The following CCSER1 variants were observed in gnomAD, a reference collection of about 807,000 sequenced individuals.
The protein encoded by CCSER1 is serine-rich coiled-coil domain-containing protein 1.
CCSER1 carries 41 observed loss-of-function variants against 82.0 expected under a neutral mutation model. The observed-to-expected ratio is 0.50, with a 90% confidence interval of 0.39 to 0.65. The LOEUF (loss-of-function observed/expected upper bound fraction) is 0.65, where lower values mean the gene tolerates loss of function less well. Among genes scored for constraint, CCSER1 ranks in the 30% least tolerant of loss-of-function variants. The pLI is 0.00. For missense variants in CCSER1, 1,119 were observed against 1,064.2 expected, an observed-to-expected ratio of 1.05 and a Z score of -0.72; for synonymous variants, 414 against 383.9, an observed-to-expected ratio of 1.08 and a Z score of -0.92.
intron 10 of CCSER1, among the ~76,000 whole-genome samples, chr4:91,305,027 A>G (rs1458073050): frequency 2.0e-5 from 3 of 152,010 alleles, no homozygotes; most frequent in Non-Finnish European, 1.5e-5. Flanking sequence ...TTAATGCTAT[A>G]TAAAACATCT....
chr4:91,475,196 T>G (rs1026019814), intron 10 of CCSER1, among the ~76,000 whole-genome samples: 6 of 151,830 alleles, frequency 4.0e-5, no homozygotes, highest in African/African-American at 1.2e-4. Context: ...TGTGTGTGTG[T>G]TTAATGTGGA....
At chr4:90,565,075 G>A (rs2153650140) in intron 5 of CCSER1, among the ~76,000 whole-genome samples, 1 of 150,504 alleles carries the variant, frequency 6.6e-6, no homozygotes, top group Non-Finnish European at 1.5e-5. Context: ...TTGGTATATT[G>A]ATAGGTATTG....
At chr4:90,542,684 T>C (rs1475765379) in intron 5 of CCSER1, among the ~76,000 whole-genome samples, 1 of 152,144 alleles carries the variant, frequency 6.6e-6, no homozygotes, top group African/African-American at 2.4e-5. Context: ...TTTACAATAT[T>C]TACTGCAAAA....
intron 10 of CCSER1, among the ~76,000 whole-genome samples, chr4:91,512,855 C>A (rs1759900044): frequency 6.6e-6 from 1 of 152,028 alleles, no homozygotes; most frequent in Non-Finnish European, 1.5e-5. Flanking sequence ...ATTCCAGGAG[C>A]CTTTTGGTGG....
At chr4:90,979,406 A>G (rs931638998) in intron 9 of CCSER1, among the ~76,000 whole-genome samples, 10 of 151,726 alleles carry the variant, frequency 6.6e-5, no homozygotes, top group African/African-American at 9.7e-5. Flanking sequence ...AAAATATTTT[A>G]TATTTTAAAT....
At position 90,160,938 on chromosome 4, in the gene CCSER1, T is replaced by C. The variant is rs554743828; in HGVS notation, c.-42+33107T>C. Among the ~76,000 whole-genome samples, 3 of 152,296 alleles carry C rather than the reference T, an allele frequency of 2.0e-5. No individual in the cohort carries two copies. The South Asian group carries it at 6.2e-4, about 32-fold the overall frequency. On this transcript the variant is annotated intron_variant, in intron 1 of 10. Transcript: ENST00000509176. ...GATTTTGTGTGATATTTTTGCCAAA[T>C]ACCACACATATCCTAAGAATCAATT...
At chr4:91,536,398 A>G (rs1298371788) in intron 10 of CCSER1, among the ~76,000 whole-genome samples, 1 of 152,094 alleles carries the variant, frequency 6.6e-6, no homozygotes, top group Non-Finnish European at 1.5e-5. Flanking sequence ...AGATAGGCAG[A>G]CAAATATAAG....
intron 9 of CCSER1, among the ~76,000 whole-genome samples, chr4:90,960,446 C>A (rs1733948296): frequency 6.6e-6 from 1 of 152,168 alleles, no homozygotes; most frequent in South Asian, 2.1e-4. Context: ...ATTTATTCTA[C>A]CCAGTCTACA....
At chr4:90,968,579 AT>A (rs143540625) in intron 9 of CCSER1, among the ~76,000 whole-genome samples, 1 of 152,218 alleles carries the variant, frequency 6.6e-6, no homozygotes, top group African/African-American at 2.4e-5. Context: ...AAGACATACA[AT>A]ACTTAAACTT....
intron 8 of CCSER1, among the ~76,000 whole-genome samples, chr4:90,831,004 T>G (rs1446366159): frequency 1.3e-5 from 2 of 152,082 alleles, no homozygotes; most frequent in African/African-American, 4.8e-5. Context: ...TCCCAACCAT[T>G]CTGGGCATTA....
At chr4:90,353,914 A>G (rs1399502778) in intron 3 of CCSER1, among the ~76,000 whole-genome samples, 1 of 152,220 alleles carries the variant, frequency 6.6e-6, no homozygotes, top group African/African-American at 2.4e-5. Context: ...CATATGATCC[A>G]GTAATCCCTA....
At chr4:91,063,819 A>T (rs946792830) in intron 9 of CCSER1, among the ~76,000 whole-genome samples, 10 of 152,124 alleles carry the variant, frequency 6.6e-5, no homozygotes, top group African/African-American at 2.4e-4. Context: ...GCATCCTTAC[A>T]AGAGTGGTGG....
At chr4:90,489,341 C>T (rs1036926915) in intron 5 of CCSER1, among the ~76,000 whole-genome samples, 20 of 151,994 alleles carry the variant, frequency 1.3e-4, no homozygotes, top group African/African-American at 4.6e-4. Context: ...TTTTGAGCTG[C>T]AAAAGAGAAC....
chr4:91,466,256 A>G (rs1313818892), intron 10 of CCSER1, among the ~76,000 whole-genome samples: 1 of 152,200 alleles, frequency 6.6e-6, no homozygotes, highest in Non-Finnish European at 1.5e-5. Flanking sequence ...CAAAAACCAC[A>G]TAATTATCTC....
intron 10 of CCSER1, among the ~76,000 whole-genome samples, chr4:91,440,416 A>G (rs1326925986): frequency 1.3e-5 from 2 of 152,184 alleles, no homozygotes; most frequent in African/African-American, 4.8e-5. Flanking sequence ...TTTGAAACCA[A>G]TGAGAACAAA....
intron 10 of CCSER1, among the ~76,000 whole-genome samples, chr4:91,343,914 T>G (rs1317731194): frequency 6.6e-6 from 1 of 152,208 alleles, no homozygotes; most frequent in Non-Finnish European, 1.5e-5. Context: ...AGTTAAAATT[T>G]GAGTTTAAGA....
At chr4:91,454,865 T>C (rs1376273955) in intron 10 of CCSER1, among the ~76,000 whole-genome samples, 2 of 151,988 alleles carry the variant, frequency 1.3e-5, no homozygotes, top group Non-Finnish European at 1.5e-5. Context: ...AAAATTCCCT[T>C]GTTCTAACCC....
intron 9 of CCSER1, among the ~76,000 whole-genome samples, chr4:91,021,672 A>G (rs1425437613): frequency 6.6e-6 from 1 of 152,178 alleles, no homozygotes; most frequent in Non-Finnish European, 1.5e-5. Context: ...TTGACCATCT[A>G]CTATGTCCCA....
chr4:90,605,012 T>G (rs1784480056), intron 5 of CCSER1, among the ~76,000 whole-genome samples: 1 of 47,554 alleles, frequency 2.1e-5, no homozygotes, highest in Non-Finnish European at 3.3e-5. Flanking sequence ...CGCTTCCACG[T>G]GTGGGAGGTT....
Sources: gnomAD v4.1 joint callset for allele counts (sites outside exome capture counted in the v4.1 genomes callset) on GRCh38, gnomAD v4.1.1 for gene constraint, MANE v1.5 for transcripts, NCBI Gene and HGNC (gene_info 2026-07-23, HGNC 2026-07-21) for gene names.